Variants in USH2A observed in about 807,000 individuals in gnomAD.
The protein encoded by USH2A is usherin, also known as Usher syndrome 2A (autosomal recessive, mild).
Under a neutral mutation model 538.9 loss-of-function variants are expected in USH2A, and 443 were observed. The observed-to-expected ratio is 0.82, with a 90% CI of 0.76 to 0.89. The LOEUF (loss-of-function observed/expected upper bound fraction) is 0.89, where lower values mean the gene tolerates loss of function less well. Ranked by LOEUF, USH2A falls within the 40% of genes least tolerant of loss-of-function variation. The pLI is 0.00. For missense variants in USH2A, 6,633 were observed against 6,324.8 expected (o/e 1.05, Z -1.65); for synonymous variants, 2,413 against 2,273.5 (o/e 1.06, Z -1.75).
chr1:215,897,721 GAGAA>G (rs3057759), intron 40 of USH2A, among the ~76,000 whole-genome samples: 6 of 148,974 alleles, frequency 4.0e-5, no homozygotes, highest in East Asian at 2.0e-4. Context: ...AAGAAAGAAA[GAGAA>G]AGAAAGAAAG....
At chr1:216,034,547 G>A (rs758927713) in intron 32 of USH2A, among the ~76,000 whole-genome samples, 7 of 152,098 alleles carry the variant, frequency 4.6e-5, no homozygotes, top group Non-Finnish European at 7.4e-5. Flanking sequence ...ACTGAAAGAC[G>A]GGGAGCCCTA....
intron 19 of USH2A, among the ~76,000 whole-genome samples, chr1:216,192,257 CA>C (rs2034731666): frequency 2.6e-5 from 4 of 151,944 alleles, no homozygotes; most frequent in African/African-American, 9.7e-5. Flanking sequence ...TATTTATTTA[CA>C]AAGATTATAA....
chr1:215,990,548 G>A (rs1401311230), intron 35 of USH2A, among the ~76,000 whole-genome samples: 1 of 152,080 alleles, frequency 6.6e-6, no homozygotes, highest in Non-Finnish European at 1.5e-5. Context: ...TGACATATAC[G>A]CAAATAACTT....
Position 215,728,251 on chromosome 1 carries a change from C to G in USH2A, c.11845G>C (p.Gly3949Arg). 6.2e-7 allele frequency: 1 copy of G among 1,614,096 alleles called. No homozygotes were observed. Among genetic ancestry groups the G allele is most frequent in the Non-Finnish European group, 8.5e-7 (1 of 1,180,028 alleles). ...AATGACCACAGACTCTCCACTGAACCCTTGGAGTTACAGGCTCTGACCCGA... is the reference window on the plus strand; with the variant it reads ...AATGACCACAGACTCTCCACTGAACGCTTGGAGTTACAGGCTCTGACCCGA... ...EYRVRACNSK[G>R]SVESLWSLTQ... The change falls in exon 61 of 72, where the codon GGT (glycine) becomes CGT (arginine). Residue 3949 changes from glycine (G) to arginine (R), a missense_variant. Gly to Arg is a moderately radical substitution (Grantham distance 125). Transcript: ENST00000307340.
At chr1:215,906,886 A>T (rs1372822590) in intron 38 of USH2A, among the ~76,000 whole-genome samples, 1 of 152,084 alleles carries the variant, frequency 6.6e-6, no homozygotes, top group East Asian at 1.9e-4. Context: ...ATTCAAAAAC[A>T]AAACAACAGA....
At chr1:216,205,176 A>G (rs1266935156) in intron 16 of USH2A, among the ~76,000 whole-genome samples, 1 of 152,282 alleles carries the variant, frequency 6.6e-6, no homozygotes, top group East Asian at 1.9e-4. Flanking sequence ...AAGTAGGGTG[A>G]CCCTAATTCA....
intron 4 of USH2A, among the ~76,000 whole-genome samples, chr1:216,341,822 T>G (rs1184953824): frequency 6.6e-6 from 1 of 152,138 alleles, no homozygotes; most frequent in African/African-American, 2.4e-5. Context: ...GAACCTTTCC[T>G]TACACCTTAC....
intron 32 of USH2A, among the ~76,000 whole-genome samples, chr1:216,041,964 A>G (rs2030295525): frequency 6.6e-6 from 1 of 152,022 alleles, no homozygotes; most frequent in Non-Finnish European, 1.5e-5. Flanking sequence ...CCTTTGATTT[A>G]GCTATTCTTC....
intron 19 of USH2A, among the ~76,000 whole-genome samples, chr1:216,193,750 CAGGT>C (rs1246286044): frequency 7.9e-5 from 12 of 152,160 alleles, no homozygotes; most frequent in Admixed American, 5.9e-4. Context: ...CCAGGAGCCA[CAGGT>C]AGGTAGAAGA....
At chr1:215,881,719 TA>T (rs1664914152) in intron 41 of USH2A, among the ~76,000 whole-genome samples, 1 of 152,186 alleles carries the variant, frequency 6.6e-6, no homozygotes, top group African/African-American at 2.4e-5. Context: ...AACTTTTAAA[TA>T]GAATTATAGT....
At chr1:216,312,553 C>T (rs2037441332) in intron 9 of USH2A, among the ~76,000 whole-genome samples, 1 of 152,102 alleles carries the variant, frequency 6.6e-6, no homozygotes, top group Non-Finnish European at 1.5e-5. Flanking sequence ...ATTCTTTTAT[C>T]AGCTGTCCCC....
chr1:216,322,209 T>G lies in USH2A; in HGVS notation c.1551-233A>C, dbSNP rs114503733. 0.015 allele frequency among the ~76,000 whole-genome samples: 2,221 copies of G among 152,266 alleles called. 50 individuals carry two copies. The highest frequency in any genetic ancestry group is 0.051 in the African/African-American group (2,103 of 41,556). Reference sequence around the variant, plus strand: ...CCAAACCCGTGTATTGTAAAGATAATTTTCAAGCCAACCTCTAAAGGGAAA... The same window carrying G: ...CCAAACCCGTGTATTGTAAAGATAAGTTTCAAGCCAACCTCTAAAGGGAAA... On this transcript the variant is annotated intron_variant, in intron 8 of 71. Coordinates refer to ENST00000307340, the MANE Select transcript of USH2A (RefSeq NM_206933.4).
Position 216,070,177 on chromosome 1 carries a change from G to C in USH2A, c.5973C>G (p.Ala1991=). The change falls in exon 30 of 72, where the codon GCC becomes GCG. Residue 1991 remains alanine, a synonymous_variant. Coordinates refer to ENST00000307340, the MANE Select transcript of USH2A (RefSeq NM_206933.4). The part of the protein sequence containing the change: ...RGVIEKYILK[A]YSEDSTRPPR... ...GTGGACGGGTGCTGTCCTCACTATA[G>C]GCTTTCAGAATGTACTTCTCAATTA... 6.2e-7 allele frequency: 1 copy of C among 1,613,992 alleles called. No homozygotes were observed. The highest frequency in any genetic ancestry group is 8.5e-7 in the Non-Finnish European group (1 of 1,179,950).
In USH2A at chr1:215,998,053, A is replaced by G. The variant is rs562729700; in HGVS notation, c.6657+834T>C. 1.6e-4 allele frequency among the ~76,000 whole-genome samples: 25 copies of G among 152,208 alleles called. 1 individual carries two copies. In the South Asian group the frequency reaches 4.6e-3, roughly 28 times the overall value. On this transcript the variant is annotated intron_variant, in intron 34 of 71. Transcript: ENST00000307340. ...TGTTAAGTAAAATGAATGCATACAC[A>G]GTGTCTACATAAATGTAAATTTATT...
chr1:215,729,320 C>T (rs1659924751), intron 60 of USH2A, among the ~76,000 whole-genome samples: 2 of 152,306 alleles, frequency 1.3e-5, no homozygotes, highest in South Asian at 4.1e-4. Flanking sequence ...AAATTCACTT[C>T]TTAGATGCCA....
rs903159768 is a variant in USH2A, at chr1:216,084,596, A to G, written c.5167+102T>C. The G allele has an allele frequency of 5.7e-6, 7 of 1,225,554 alleles. No individual in the cohort carries two copies. The African/African-American group carries it at 1.0e-4, about 18-fold the overall frequency. The allele number at this position is 1,225,554 out of a possible 1,614,324, so 75.9% of individuals were successfully genotyped here. A position where few individuals can be genotyped will look rare whatever the true frequency, so the allele number is the denominator to read the frequency against. On this transcript the variant is annotated intron_variant, in intron 25 of 71. Transcript: ENST00000307340. ...AATAACTAAGTATTTCTGTGATACT[A>G]GGTTCATATGAGGTCAAGTTAATCA... is the stretch of plus-strand genomic sequence containing the variant.
intron 4 of USH2A, among the ~76,000 whole-genome samples, chr1:216,330,969 A>G (rs2037849373): frequency 6.6e-6 from 1 of 152,110 alleles, no homozygotes; most frequent in South Asian, 2.1e-4. Flanking sequence ...AATGAAATCT[A>G]TTTTATTATC....
intron 60 of USH2A, among the ~76,000 whole-genome samples, chr1:215,733,659 C>T (rs190142278): frequency 2.6e-5 from 4 of 152,334 alleles, no homozygotes; most frequent in Admixed American, 2.6e-4. Context: ...GGTAAACATT[C>T]TCATTGCAAA....
chr1:215,855,153 T>C (rs1664128293), intron 44 of USH2A, among the ~76,000 whole-genome samples: 1 of 152,148 alleles, frequency 6.6e-6, no homozygotes, highest in Non-Finnish European at 1.5e-5. Flanking sequence ...GAAAAAAATA[T>C]AGGGCATCCA....
Sources: gnomAD v4.1 joint callset for allele counts (sites outside exome capture counted in the v4.1 genomes callset) on GRCh38, gnomAD v4.1.1 for gene constraint, MANE v1.5 for transcripts, NCBI Gene and HGNC (gene_info 2026-07-23, HGNC 2026-07-21) for gene names.